DLGAP1: variants seen among roughly 807,000 people sequenced by gnomAD.
DLGAP1 encodes disks large-associated protein 1.
In DLGAP1, 11 loss-of-function variants were observed where a neutral mutation model predicts 90.8. The ratio of observed to expected loss-of-function variants is 0.12; its 90% CI spans 0.08 to 0.20. The LOEUF is 0.20. Ranked by LOEUF, DLGAP1 falls within the 10% of genes least tolerant of loss-of-function variation. The pLI, the probability that DLGAP1 is intolerant of heterozygous loss-of-function variation, is 1.00. For missense variants in DLGAP1, 1,050 were observed against 1,333.8 expected (o/e 0.79, Z 3.31); for synonymous variants, 558 against 540.7 (o/e 1.03, Z -0.44).
chr18:4,317,522 A>G (rs2143546487), intron 1 of DLGAP1, among the ~76,000 whole-genome samples: 1 of 152,280 alleles, frequency 6.6e-6, no homozygotes. Flanking sequence ...TCTGTTTCTG[A>G]AGTTAGCAGT....
At chr18:4,284,700 A>G (rs1051243618) in intron 1 of DLGAP1, among the ~76,000 whole-genome samples, 1 of 152,208 alleles carries the variant, frequency 6.6e-6, no homozygotes, top group Non-Finnish European at 1.5e-5. Context: ...GGTCAGACCC[A>G]TGGCCTTCTG....
intron 1 of DLGAP1, among the ~76,000 whole-genome samples, chr18:4,341,065 C>T (rs960897153): frequency 9.2e-5 from 14 of 151,998 alleles, no homozygotes; most frequent in Middle Eastern, 3.2e-3. Flanking sequence ...CCTTAAGTAT[C>T]TCACAAATGT....
chr18:4,309,808 G>A (rs1812182119), intron 1 of DLGAP1, among the ~76,000 whole-genome samples: 1 of 152,032 alleles, frequency 6.6e-6, no homozygotes, highest in Admixed American at 6.6e-5. Context: ...TATCAAATGG[G>A]GGCATTAATA....
At chr18:3,914,847 T>A (rs962097974) in intron 3 of DLGAP1, among the ~76,000 whole-genome samples, 1 of 152,180 alleles carries the variant, frequency 6.6e-6, no homozygotes, top group African/African-American at 2.4e-5. Flanking sequence ...CCTCCTGGAC[T>A]CAAGCGATCC....
rs146587232 is a variant in DLGAP1, at chr18:4,199,932, A to G, written c.-266-48645T>C. On this transcript the variant is annotated intron_variant, in intron 1 of 12. Transcript: ENST00000315677. Reference sequence around the variant, plus strand: ...GTCCTTCAAAATGTCCTACATTTCAATGTATTTTTCACTGTCAAAATTATG... The same window carrying G: ...GTCCTTCAAAATGTCCTACATTTCAGTGTATTTTTCACTGTCAAAATTATG... 6.0e-4 allele frequency among the ~76,000 whole-genome samples: 92 copies of G among 152,310 alleles called. 1 individual carries two copies. The highest frequency in any genetic ancestry group is 2.2e-3 in the African/African-American group (91 of 41,576).
In DLGAP1 at chr18:4,013,340, C is replaced by T. The variant is rs143985906; in HGVS notation, c.-158-8139G>A. Among the ~76,000 whole-genome samples the T allele has an allele frequency of 7.9e-5, 12 of 152,246 alleles. No homozygotes were observed. The East Asian group carries it at 2.3e-3, about 29-fold the overall frequency. ...TAAGGAAACTGAGGCACAGGGTTTC[C>T]CTCACACAGGTAAGGAAACTGATCT... On this transcript the variant is annotated intron_variant, in intron 2 of 12. Transcript: ENST00000315677.
At chr18:3,570,737 T>C (rs1258349038) in intron 8 of DLGAP1, among the ~76,000 whole-genome samples, 5 of 151,676 alleles carry the variant, frequency 3.3e-5, no homozygotes, top group Non-Finnish European at 5.9e-5. Context: ...AAGACCAGCC[T>C]GGGCAACATA....
At chr18:4,234,071 A>T (rs1397470866) in intron 1 of DLGAP1, among the ~76,000 whole-genome samples, 1 of 151,720 alleles carries the variant, frequency 6.6e-6, no homozygotes, top group Non-Finnish European at 1.5e-5. Flanking sequence ...ACTGTCCTCC[A>T]AACACAAGCC....
intron 7 of DLGAP1, among the ~76,000 whole-genome samples, chr18:3,669,299 G>A (rs543804003): frequency 6.6e-6 from 1 of 152,042 alleles, no homozygotes; most frequent in Non-Finnish European, 1.5e-5. Context: ...GAAGTGCTGG[G>A]TAGAGGAGGG....
At chr18:3,734,416 C>T (rs1170452891) in intron 6 of DLGAP1, among the ~76,000 whole-genome samples, 4 of 152,080 alleles carry the variant, frequency 2.6e-5, no homozygotes, top group Non-Finnish European at 5.9e-5. Flanking sequence ...CTGCACTCAG[C>T]CCCATTTCTT....
At chr18:3,860,407 C>A (rs1277295270) in intron 4 of DLGAP1, among the ~76,000 whole-genome samples, 5 of 152,164 alleles carry the variant, frequency 3.3e-5, no homozygotes, top group Non-Finnish European at 5.9e-5. Flanking sequence ...ACAATTAATT[C>A]TTTTGACAAC....
intron 9 of DLGAP1, among the ~76,000 whole-genome samples, chr18:3,535,446 G>A (rs35963654): frequency 0.091 from 13,779 of 151,996 alleles, 777 homozygotes; most frequent in East Asian, 0.28. Context: ...GGTGGCTCAC[G>A]CCCGTAATCC....
At chr18:4,386,241 C>T (rs888770336) in intron 1 of DLGAP1, among the ~76,000 whole-genome samples, 2 of 152,116 alleles carry the variant, frequency 1.3e-5, no homozygotes, top group African/African-American at 4.8e-5. Flanking sequence ...CCGACCAGAT[C>T]GAGAAAGACT....
At chr18:3,589,682 C>A (rs1339674451) in intron 7 of DLGAP1, among the ~76,000 whole-genome samples, 9 of 152,186 alleles carry the variant, frequency 5.9e-5, no homozygotes, top group Non-Finnish European at 1.0e-4. Context: ...TATTATCAAG[C>A]AAGCTGTGAT....
intron 9 of DLGAP1, among the ~76,000 whole-genome samples, chr18:3,564,719 A>G (rs1416251550): frequency 2.0e-5 from 3 of 152,110 alleles, no homozygotes; most frequent in Admixed American, 6.6e-5. Flanking sequence ...ACAATTCTTC[A>G]GTTACTGCTT....
At chr18:3,904,490 TG>T (rs1298053812) in intron 3 of DLGAP1, among the ~76,000 whole-genome samples, 3 of 152,204 alleles carry the variant, frequency 2.0e-5, no homozygotes, top group African/African-American at 7.2e-5. Context: ...ATGTAACCCG[TG>T]GGTTTCACCT....
chr18:3,657,747 C>T (rs34147089), intron 7 of DLGAP1, among the ~76,000 whole-genome samples: 32,399 of 151,646 alleles, frequency 0.21, 4,175 homozygotes, highest in African/African-American at 0.33. Context: ...GTACTACAGG[C>T]GCCCGCCACC....
intron 10 of DLGAP1, 147 bp from the exon 11 acceptor site, chr18:3,508,808 A>G (rs2143812861): frequency 5.1e-6 from 3 of 590,114 alleles, no homozygotes; most frequent in Admixed American, 6.4e-5. Context: ...CAGACAGCCC[A>G]ATCACTGTTG....
chr18:3,667,537 A>T (rs1261902803), intron 7 of DLGAP1, among the ~76,000 whole-genome samples: 6 of 152,204 alleles, frequency 3.9e-5, no homozygotes. Flanking sequence ...AGGGAAGATT[A>T]AAAAACATTC....
Sources: gnomAD v4.1 joint callset for allele counts (sites outside exome capture counted in the v4.1 genomes callset) on GRCh38, gnomAD v4.1.1 for gene constraint, MANE v1.5 for transcripts, NCBI Gene and HGNC (gene_info 2026-07-23, HGNC 2026-07-21) for gene names.